Variants in MAST4 observed in about 807,000 individuals in gnomAD.
MAST4 encodes the protein microtubule associated serine/threonine kinase family member 4, also known as microtubule-associated serine/threonine-protein kinase 4.
Under a neutral mutation model 162.7 loss-of-function variants are expected in MAST4, and 89 were observed. The ratio of observed to expected loss-of-function variants is 0.55; its 90% CI spans 0.46 to 0.65. The LOEUF is 0.65. Among genes scored for constraint, MAST4 ranks in the 30% least tolerant of loss-of-function variants. The probability of loss-of-function intolerance (pLI) is 0.00; values close to 1 mark genes in which losing one functional copy is unlikely to be tolerated. For synonymous variants in MAST4, 1,479 were observed against 1,361.1 expected (o/e 1.09, Z -1.91); for missense variants, 3,153 against 3,374.0 (o/e 0.93, Z 1.62).
intron 1 of MAST4, among the ~76,000 whole-genome samples, chr5:66,624,300 A>G (rs761059797): frequency 2.0e-5 from 3 of 151,690 alleles, no homozygotes; most frequent in Non-Finnish European, 4.4e-5. Flanking sequence ...CTACAGGTGC[A>G]TGCTGCCACG....
chr5:66,763,838 G>C (rs1277884891), intron 2 of MAST4, among the ~76,000 whole-genome samples: 1 of 152,070 alleles, frequency 6.6e-6, no homozygotes, highest in Non-Finnish European at 1.5e-5. Flanking sequence ...TACTTCTGAT[G>C]GGTTTATCTG....
At chr5:67,123,117 G>C (rs1207173044) in intron 14 of MAST4, among the ~76,000 whole-genome samples, 1 of 152,240 alleles carries the variant, frequency 6.6e-6, no homozygotes, top group Non-Finnish European at 1.5e-5. Context: ...AATGTATCCC[G>C]CCACGGGTGG....
At chr5:66,853,740 G>A (rs1466288532) in intron 3 of MAST4, among the ~76,000 whole-genome samples, 1 of 152,076 alleles carries the variant, frequency 6.6e-6, no homozygotes, top group African/African-American at 2.4e-5. Flanking sequence ...TTGAATGAAT[G>A]GAAGGAAAAG....
At chr5:67,000,105 C>G (rs1581154151) in intron 4 of MAST4, among the ~76,000 whole-genome samples, 1 of 152,194 alleles carries the variant, frequency 6.6e-6, no homozygotes, top group Admixed American at 6.5e-5. Context: ...CTCAAACTCT[C>G]AAGACCACAT....
At chr5:66,769,008 A>G (rs1372270353) in intron 2 of MAST4, among the ~76,000 whole-genome samples, 1 of 152,120 alleles carries the variant, frequency 6.6e-6, no homozygotes, top group Non-Finnish European at 1.5e-5. Flanking sequence ...TGAGAAGAGA[A>G]GGAGATATGA....
At chr5:66,890,611 G>A (rs1214880632) in intron 3 of MAST4, among the ~76,000 whole-genome samples, 1 of 152,210 alleles carries the variant, frequency 6.6e-6, no homozygotes, top group South Asian at 2.1e-4. Flanking sequence ...AATTTGCTTA[G>A]AAAGAGTTGC....
intron 5 of MAST4, among the ~76,000 whole-genome samples, chr5:67,074,992 C>T (rs1354185905): frequency 2.0e-5 from 3 of 152,030 alleles, no homozygotes; most frequent in Non-Finnish European, 2.9e-5. Context: ...TTATGTGTAG[C>T]GTTTTCCAAC....
intron 2 of MAST4, among the ~76,000 whole-genome samples, chr5:66,773,656 C>T (rs73095814): frequency 0.087 from 13,291 of 152,136 alleles, 1,805 homozygotes; most frequent in African/African-American, 0.29. Context: ...GACTAAGACC[C>T]TCTTAAAAGA....
chr5:67,029,127 C>A lies in MAST4; in HGVS notation c.675-25277C>A, dbSNP rs548911088. On this transcript the variant is annotated intron_variant, in intron 4 of 28. Transcript: ENST00000403625. ...CCAGCCTGGGCGACAGCACGAGACA[C>A]TCTCTCAAAAAAAAAAAAGTCATAT... Among the ~76,000 whole-genome samples the A allele has an allele frequency of 2.8e-5, 4 of 143,436 alleles. No homozygotes were observed. The South Asian group carries it at 8.6e-4, about 31-fold the overall frequency. The allele number at this position is 143,436 out of a possible 152,430, so 94.1% of individuals were successfully genotyped here. A position where few individuals can be genotyped will look rare whatever the true frequency, so the allele number is the denominator to read the frequency against.
At chr5:67,150,376 G>A (rs1348093243) in intron 24 of MAST4, among the ~76,000 whole-genome samples, 2 of 152,158 alleles carry the variant, frequency 1.3e-5, no homozygotes, top group African/African-American at 2.4e-5. Flanking sequence ...TGTATAAAAG[G>A]CATTGTTTAT....
chr5:66,648,729 T>C (rs1561236950), intron 1 of MAST4, among the ~76,000 whole-genome samples: 1 of 152,124 alleles, frequency 6.6e-6, no homozygotes, highest in Non-Finnish European at 1.5e-5. Context: ...TGTTTCAATA[T>C]TTGAATTGTC....
chr5:66,977,943 A>G (rs73103932), intron 4 of MAST4, among the ~76,000 whole-genome samples: 1 of 152,134 alleles, frequency 6.6e-6, no homozygotes, highest in Non-Finnish European at 1.5e-5. Flanking sequence ...AGGCATTTTT[A>G]TTTTTATTCT....
intron 3 of MAST4, among the ~76,000 whole-genome samples, chr5:66,895,627 C>A (rs906844840): frequency 6.6e-6 from 1 of 152,130 alleles, no homozygotes; most frequent in Non-Finnish European, 1.5e-5. Context: ...GAAAACATAC[C>A]TGAAATCTGA....
chr5:67,034,123 G>A (rs1046879733), intron 4 of MAST4, among the ~76,000 whole-genome samples: 2 of 152,070 alleles, frequency 1.3e-5, no homozygotes, highest in Non-Finnish European at 2.9e-5. Flanking sequence ...TGCCTAAAAG[G>A]CCTATATCTT....
chr5:66,754,841 G>C (rs1753428565), intron 1 of MAST4, among the ~76,000 whole-genome samples: 1 of 152,184 alleles, frequency 6.6e-6, no homozygotes, highest in South Asian at 2.1e-4. Flanking sequence ...GGGCATCCCA[G>C]GAAGAGTGAC....
At chr5:66,784,268 T>C (rs1580443302) in intron 2 of MAST4, among the ~76,000 whole-genome samples, 1 of 152,112 alleles carries the variant, frequency 6.6e-6, no homozygotes, top group African/African-American at 2.4e-5. Context: ...ACAAAACACA[T>C]TTTTTGCTAG....
chr5:66,816,740 C>T (rs1756746923), intron 3 of MAST4, among the ~76,000 whole-genome samples: 1 of 152,170 alleles, frequency 6.6e-6, no homozygotes, highest in Non-Finnish European at 1.5e-5. Context: ...ATTCTTCCCC[C>T]AGCTCCCCAT....
chr5:66,875,643 A>G (rs1211995576), intron 3 of MAST4, among the ~76,000 whole-genome samples: 2 of 151,864 alleles, frequency 1.3e-5, no homozygotes, highest in Non-Finnish European at 2.9e-5. Flanking sequence ...CTGTTACCAT[A>G]GTTATTTGGT....
chr5:66,673,517 T>TTTTG, intron 1 of MAST4, among the ~76,000 whole-genome samples: 1 of 129,482 alleles, frequency 7.7e-6, no homozygotes, highest in Admixed American at 8.8e-5. Flanking sequence ...GTTTTTTTTG[T>TTTTG]TTTTTGTTTT....
Sources: allele counts gnomAD v4.1 joint callset (sites outside exome capture counted in the v4.1 genomes callset), GRCh38; gene constraint gnomAD v4.1.1; transcripts MANE v1.5; gene names NCBI Gene and HGNC (gene_info 2026-07-23, HGNC 2026-07-21).